The following PTCHD4 variants were observed in gnomAD, a reference collection of about 807,000 sequenced individuals.
The protein encoded by PTCHD4 is patched domain-containing protein 4.
PTCHD4 carries 33 observed loss-of-function variants against 58.1 expected under a neutral mutation model. The observed-to-expected ratio is 0.57, with a 90% CI of 0.43 to 0.76. The LOEUF (loss-of-function observed/expected upper bound fraction) is 0.76, where lower values mean the gene tolerates loss of function less well. Among genes scored for constraint, PTCHD4 ranks in the 30% least tolerant of loss-of-function variants. The pLI is 0.00. For missense variants in PTCHD4, 1,058 were observed against 1,027.1 expected (o/e 1.03, Z -0.41); for synonymous variants, 478 against 409.6 (o/e 1.17, Z -2.02).
At chr6:48,018,874 G>A (rs1562009889) in intron 3 of PTCHD4, among the ~76,000 whole-genome samples, 1 of 152,184 alleles carries the variant, frequency 6.6e-6, no homozygotes, top group Non-Finnish European at 1.5e-5. Context: ...GAGGAAAGCA[G>A]CAAATCCCTA....
chr6:47,987,014 C>T (rs953045697), intron 4 of PTCHD4, among the ~76,000 whole-genome samples: 1 of 151,774 alleles, frequency 6.6e-6, no homozygotes, highest in Non-Finnish European at 1.5e-5. Flanking sequence ...AAGGAGATAC[C>T]AGGGTATTAA....
intron 1 of PTCHD4, among the ~76,000 whole-genome samples, chr6:48,074,579 G>A (rs1765027864): frequency 6.6e-6 from 1 of 152,206 alleles, no homozygotes; most frequent in South Asian, 2.1e-4. Context: ...GTGGTAATTG[G>A]CTGAAGCCAA....
At chr6:47,944,561 T>C (rs532509569) in intron 4 of PTCHD4, among the ~76,000 whole-genome samples, 22 of 152,204 alleles carry the variant, frequency 1.4e-4, no homozygotes, top group African/African-American at 5.1e-4. Flanking sequence ...GAGAATGGGC[T>C]GGACATATCT....
intron 1 of PTCHD4, among the ~76,000 whole-genome samples, chr6:48,072,706 G>A (rs1355695190): frequency 1.3e-5 from 2 of 152,002 alleles, no homozygotes; most frequent in East Asian, 1.9e-4. Flanking sequence ...ATCTGTAATG[G>A]TTTTTATATA....
intron 1 of PTCHD4, among the ~76,000 whole-genome samples, chr6:48,080,790 T>C (rs1765151333): frequency 6.6e-6 from 1 of 152,212 alleles, no homozygotes; most frequent in African/African-American, 2.4e-5. Flanking sequence ...TCAATTCCTG[T>C]TTGCCTTGTG....
intron 4 of PTCHD4, among the ~76,000 whole-genome samples, chr6:47,918,264 T>C (rs1388159896): frequency 6.6e-6 from 1 of 152,128 alleles, no homozygotes; most frequent in Non-Finnish European, 1.5e-5. Context: ...TCAATGGAAA[T>C]GCTATTGGCA....
chr6:48,025,819 T>C (rs1763223926), intron 3 of PTCHD4, among the ~76,000 whole-genome samples: 1 of 152,152 alleles, frequency 6.6e-6, no homozygotes, highest in South Asian at 2.1e-4. Context: ...GAGCTGGCAG[T>C]TGCCTGGACC....
intron 3 of PTCHD4, among the ~76,000 whole-genome samples, chr6:48,029,392 A>T (rs186640716): frequency 0.011 from 1,700 of 152,194 alleles, 37 homozygotes; most frequent in African/African-American, 0.037. Flanking sequence ...TCCACAACTA[A>T]TGAAAAAACT....
intron 4 of PTCHD4, among the ~76,000 whole-genome samples, chr6:47,955,786 C>A (rs1766836125): frequency 6.6e-6 from 1 of 152,172 alleles, no homozygotes; most frequent in African/African-American, 2.4e-5. Context: ...GGTTTACTAT[C>A]AAAAATGTGT....
chr6:48,088,851 C>T (rs939485601), intron 1 of PTCHD4, among the ~76,000 whole-genome samples: 1 of 152,070 alleles, frequency 6.6e-6, no homozygotes, highest in Non-Finnish European at 1.5e-5. Context: ...CGAGACCAGC[C>T]TGGCCAACCT....
intron 4 of PTCHD4, among the ~76,000 whole-genome samples, chr6:47,932,268 T>G (rs1313121029): frequency 1.3e-5 from 2 of 152,170 alleles, no homozygotes; most frequent in Non-Finnish European, 2.9e-5. Flanking sequence ...CCTCAGGGAT[T>G]GCTGGGAGGA....
intron 4 of PTCHD4, among the ~76,000 whole-genome samples, chr6:47,905,367 T>G (rs1355263029): frequency 6.6e-6 from 1 of 152,174 alleles, no homozygotes; most frequent in Non-Finnish European, 1.5e-5. Flanking sequence ...AGTAGAGAGA[T>G]GATGATGGTG....
rs1763587720 is a variant in PTCHD4 at position 47,867,103 on chromosome 6, C to G, written c.*11200G>C. 6.6e-6 allele frequency among the ~76,000 whole-genome samples: 1 copy of G among 151,738 alleles called. No individual in the cohort carries two copies. The highest frequency in any genetic ancestry group is 1.5e-5 in the Non-Finnish European group (1 of 67,842). On this transcript the variant is annotated 3_prime_UTR_variant, in exon 5 of 5. Coordinates refer to ENST00000339488, the MANE Select transcript of PTCHD4 (RefSeq NM_001384253.1). ...TAAATCAGGGACAATAATACCTATTCTATTAGGCAGGTATTATTTGAATTG... is the reference window on the plus strand; with the variant it reads ...TAAATCAGGGACAATAATACCTATTGTATTAGGCAGGTATTATTTGAATTG...
intron 3 of PTCHD4, among the ~76,000 whole-genome samples, chr6:48,039,580 C>A (rs374908057): frequency 2.6e-5 from 4 of 151,978 alleles, no homozygotes; most frequent in Admixed American, 6.6e-5. Flanking sequence ...ATACCTATTT[C>A]TTTTATGTAT....
intron 3 of PTCHD4, among the ~76,000 whole-genome samples, chr6:48,036,310 G>C (rs982264594): frequency 1.3e-5 from 2 of 152,106 alleles, no homozygotes; most frequent in Non-Finnish European, 2.9e-5. Context: ...AAGTGCTCAG[G>C]TGAGGGAGCA....
chr6:48,074,871 A>C (rs1338892072), intron 1 of PTCHD4, among the ~76,000 whole-genome samples: 1 of 152,192 alleles, frequency 6.6e-6, no homozygotes. Flanking sequence ...ACTGATTTTT[A>C]ATTCATTTAT....
At position 47,879,898 on chromosome 6, in the gene PTCHD4, A is replaced by G. The variant is rs1291511803; in HGVS notation, c.937T>C (p.Trp313Arg). 1 of 1,574,998 alleles carries G rather than the reference A, an allele frequency of 6.3e-7. No individual in the cohort carries two copies. Among genetic ancestry groups the G allele is most frequent in the East Asian group, 2.3e-5 (1 of 42,830 alleles). The change falls in exon 5 of 5, where the codon TGG becomes CGG. Residue 313 changes from tryptophan to arginine, a missense_variant. Coordinates refer to ENST00000339488, the MANE Select transcript of PTCHD4 (RefSeq NM_001384253.1). ...GGCAAGTTCTCTTTGGTTCTCCGCC[A>G]TCCGGACAGAAGCTCAAACACTCCT... ...TKGVFELLSG[W>R]RRTKENLPFK... is the part of the protein sequence containing the mutation.
intron 1 of PTCHD4, among the ~76,000 whole-genome samples, 141 bp from the exon 2 acceptor site, chr6:48,070,067 A>T (rs577689788): frequency 6.6e-6 from 1 of 152,134 alleles, no homozygotes; most frequent in African/African-American, 2.4e-5. Flanking sequence ...TGTGAAGATG[A>T]GGATCTCAGC....
intron 4 of PTCHD4, among the ~76,000 whole-genome samples, chr6:48,002,754 T>TATAATAATAATAATA (rs139742079): frequency 1.1e-4 from 16 of 149,520 alleles, no homozygotes; most frequent in African/African-American, 3.7e-4. Flanking sequence ...AAACTTAAAG[T>TATAATAATAATAATA]ATAATAATAA....
Sources: allele counts gnomAD v4.1 joint callset (sites outside exome capture counted in the v4.1 genomes callset), GRCh38; gene constraint gnomAD v4.1.1; transcripts MANE v1.5; gene names NCBI Gene and HGNC (gene_info 2026-07-23, HGNC 2026-07-21).